SPON1: variants seen among roughly 807,000 people sequenced by gnomAD.
The protein encoded by SPON1 is spondin 1.
SPON1 carries 52 observed loss-of-function variants against 111.7 expected under a neutral mutation model. That is an observed-to-expected ratio of 0.47 (90% CI 0.37 to 0.59). SPON1 has a LOEUF of 0.59. SPON1 is among the 20% of genes least tolerant of loss of function. The probability of loss-of-function intolerance (pLI) is 0.00; values close to 1 mark genes in which losing one functional copy is unlikely to be tolerated. For missense variants in SPON1, 957 were observed against 1,068.5 expected (o/e 0.90, Z 1.46); for synonymous variants, 410 against 395.8 (o/e 1.04, Z -0.43).
Position 14,135,342 on chromosome 11 carries a change from G to T in SPON1, c.677-78G>T, listed in dbSNP as rs879965399. ...GCTCTTTGAATCGATGTCCAATTAC[G>T]CATCCTCCCCATCATTTAAGGGACT... On this transcript the variant is annotated intron_variant, in intron 5 of 15. Transcript: ENST00000576479. This position sits in a 1 kb window ranked among gnomAD's most constrained non-coding sequence, Gnocchi z 4.4. 2 of 1,479,610 alleles carry T rather than the reference G, an allele frequency of 1.4e-6. No homozygotes were observed. Among genetic ancestry groups the T allele is most frequent in the Non-Finnish European group, 1.8e-6 (2 of 1,081,472 alleles). 91.7% of individuals were successfully genotyped at this position (1,479,610 alleles called of 1,614,324 possible).
chr11:14,008,191 C>T (rs72856961), intron 2 of SPON1, among the ~76,000 whole-genome samples: 11,200 of 152,170 alleles, frequency 0.074, 520 homozygotes, highest in Middle Eastern at 0.13. Flanking sequence ...TATTACATCA[C>T]ATTAGATATT....
intron 3 of SPON1, among the ~76,000 whole-genome samples, chr11:14,044,807 C>T (rs1167814432): frequency 6.6e-6 from 1 of 152,164 alleles, no homozygotes; most frequent in Admixed American, 6.5e-5. Flanking sequence ...CATGTTATGT[C>T]CTGAACTTGA....
rs1294328730 is a variant in SPON1, at chr11:14,265,813, G to C, written c.*126G>C. The stretch of plus-strand genomic sequence containing the variant: ...TCATTTTTGCAGTGTGGTTCGCCCA[G>C]TAGTCTTGTGGATGCCAGAGACATC... On this transcript the variant is annotated 3_prime_UTR_variant, in exon 16 of 16. Coordinates refer to ENST00000576479, the MANE Select transcript of SPON1 (RefSeq NM_006108.4). 8.9e-7 allele frequency: 1 copy of C among 1,119,622 alleles called. No individual in the cohort carries two copies. The highest frequency in any genetic ancestry group is 1.3e-6 in the Non-Finnish European group (1 of 793,066). 69.4% of individuals were successfully genotyped at this position (1,119,622 alleles called of 1,614,324 possible). A position where few individuals can be genotyped will look rare whatever the true frequency, so the allele number is the denominator to read the frequency against.
intron 2 of SPON1, among the ~76,000 whole-genome samples, chr11:13,997,095 TTCTC>T (rs1262072822): frequency 5.9e-5 from 9 of 152,358 alleles, no homozygotes; most frequent in African/African-American, 1.7e-4. Context: ...AAAGTAAAGT[TTCTC>T]TCTCTGTACA....
intron 2 of SPON1, among the ~76,000 whole-genome samples, chr11:14,030,877 A>G (rs1374136667): frequency 6.6e-6 from 1 of 152,230 alleles, no homozygotes; most frequent in African/African-American, 2.4e-5. Context: ...AGGAAAATAA[A>G]TTGTTCTACA....
intron 2 of SPON1, among the ~76,000 whole-genome samples, chr11:13,996,427 G>T (rs1848272846): frequency 6.6e-6 from 1 of 152,224 alleles, no homozygotes; most frequent in African/African-American, 2.4e-5. Flanking sequence ...TCACACTTCT[G>T]CAGCCCTGGT....
intron 5 of SPON1, among the ~76,000 whole-genome samples, chr11:14,094,591 G>A (rs1240471854): frequency 6.6e-6 from 1 of 152,062 alleles, no homozygotes; most frequent in Admixed American, 6.5e-5. Flanking sequence ...AACCACTAGG[G>A]TGTTGGCATG....
chr11:14,262,370 G>A (rs1591431628), intron 14 of SPON1: 2 of 300,756 alleles, frequency 6.6e-6, no homozygotes, highest in East Asian at 1.4e-4. Flanking sequence ...TTGGGACTGT[G>A]GGAAGCTATT....
At chr11:14,161,907 C>T (rs959520110) in intron 6 of SPON1, among the ~76,000 whole-genome samples, 28 of 151,708 alleles carry the variant, frequency 1.8e-4, no homozygotes, top group African/African-American at 6.8e-4. Context: ...AATCCCAGCA[C>T]TTTGGGAGGC....
At chr11:14,018,935 G>A (rs1554914555) in intron 2 of SPON1, among the ~76,000 whole-genome samples, 2 of 152,182 alleles carry the variant, frequency 1.3e-5, no homozygotes, top group East Asian at 3.8e-4. Context: ...TGCAAGCCAG[G>A]CATCGCAGAA....
At chr11:14,234,258 A>AC (rs1391989971) in intron 6 of SPON1, among the ~76,000 whole-genome samples, 2 of 152,104 alleles carry the variant, frequency 1.3e-5, no homozygotes, top group Non-Finnish European at 2.9e-5. Context: ...ATTTGGCATC[A>AC]CCTACGTGAT....
chr11:14,242,814 C>T (rs1025570583), intron 6 of SPON1, among the ~76,000 whole-genome samples: 28 of 152,366 alleles, frequency 1.8e-4, no homozygotes, highest in African/African-American at 6.7e-4. Flanking sequence ...GGTATGGGGC[C>T]TTGGCTTTGT....
chr11:14,239,347 T>TC (rs1467488433), intron 6 of SPON1, among the ~76,000 whole-genome samples: 60 of 152,158 alleles, frequency 3.9e-4, no homozygotes, highest in Admixed American at 2.4e-3. Context: ...TGTCATTTAG[T>TC]CCCCCTAACA....
intron 6 of SPON1, among the ~76,000 whole-genome samples, chr11:14,169,686 G>C (rs559729585): frequency 6.6e-6 from 1 of 151,890 alleles, no homozygotes; most frequent in Non-Finnish European, 1.5e-5. Context: ...TAAGGTGTAA[G>C]GAGATCCAGT....
chr11:14,091,206 T>C (rs1213731135), intron 5 of SPON1, among the ~76,000 whole-genome samples: 1 of 152,156 alleles, frequency 6.6e-6, no homozygotes, highest in Non-Finnish European at 1.5e-5. Context: ...TTACAATCCC[T>C]GAGTTAGATA....
At chr11:13,978,652 A>G (rs181643197) in intron 1 of SPON1, among the ~76,000 whole-genome samples, 12 of 152,338 alleles carry the variant, frequency 7.9e-5, no homozygotes, top group East Asian at 1.9e-4. Flanking sequence ...GTAGGGTCCA[A>G]GAGAAAAGGC....
chr11:14,026,488 A>C (rs1447363537), intron 2 of SPON1, among the ~76,000 whole-genome samples: 2 of 152,246 alleles, frequency 1.3e-5, no homozygotes, highest in Non-Finnish European at 2.9e-5. Context: ...ACATGCTTTT[A>C]CGTCCTAAAG....
At chr11:14,184,536 G>A (rs1477048878) in intron 6 of SPON1, among the ~76,000 whole-genome samples, 4 of 152,218 alleles carry the variant, frequency 2.6e-5, no homozygotes, top group Non-Finnish European at 5.9e-5. Flanking sequence ...GGCCAGCCTG[G>A]TAGAGAAGGT....
At chr11:14,243,422 G>C in intron 7 of SPON1, 26 bp downstream of exon 7, 1 of 1,556,112 alleles carries the variant, frequency 6.4e-7, no homozygotes, top group Non-Finnish European at 8.7e-7. Flanking sequence ...CCCTTGCCTG[G>C]CCTGTCTTAT....
Sources: allele counts gnomAD v4.1 joint callset (sites outside exome capture counted in the v4.1 genomes callset), GRCh38; gene constraint gnomAD v4.1.1; non-coding constraint Gnocchi (gnomAD v3.1); transcripts MANE v1.5; gene names NCBI Gene and HGNC (gene_info 2026-07-23, HGNC 2026-07-21).